Variants in SCFD2 observed in about 807,000 individuals in gnomAD.
SCFD2 encodes the protein sec1 family domain-containing protein 2.
SCFD2 carries 54 observed loss-of-function variants against 58.9 expected under a neutral mutation model. The observed-to-expected ratio is 0.92, with a 90% CI of 0.74 to 1.15. The LOEUF (loss-of-function observed/expected upper bound fraction) is 1.15. Ranked by LOEUF, SCFD2 falls within the 50% of genes most tolerant of loss-of-function variation. The pLI, the probability that SCFD2 is intolerant of heterozygous loss-of-function variation, is 0.00. For synonymous variants in SCFD2, 321 were observed against 335.9 expected, an observed-to-expected ratio of 0.96 and a Z score of 0.49; for missense variants, 805 against 836.6, an observed-to-expected ratio of 0.96 and a Z score of 0.47.
At position 52,983,505 on chromosome 4, in the gene SCFD2, C is replaced by T. The variant is rs150366535; in HGVS notation, c.1562-62635G>A. The stretch of plus-strand genomic sequence containing the variant: ...CTCAAATACCAAGATCTAAATTAAG[C>T]TGCTTGTTGTAGTGGGTCTTACAAT... On this transcript the variant is annotated intron_variant, in intron 5 of 8. Transcript: ENST00000401642. 5.5e-3 allele frequency among the ~76,000 whole-genome samples: 830 copies of T among 152,260 alleles called. 4 individuals are homozygous for T. Among genetic ancestry groups the T allele is most frequent in the African/African-American group, 0.019 (796 of 41,538 alleles).
intron 5 of SCFD2, among the ~76,000 whole-genome samples, chr4:53,055,587 G>A (rs1439592076): frequency 6.6e-6 from 1 of 151,986 alleles, no homozygotes; most frequent in Non-Finnish European, 1.5e-5. Context: ...CACCCTGGAG[G>A]AACCCACAGG....
intron 3 of SCFD2, among the ~76,000 whole-genome samples, chr4:53,279,661 C>G (rs1047212826): frequency 2.6e-5 from 4 of 152,052 alleles, no homozygotes; most frequent in Non-Finnish European, 5.9e-5. Flanking sequence ...CTGTATTAGT[C>G]CATTCTCACA....
chr4:52,920,541 A>G (rs1719709187), intron 6 of SCFD2, among the ~76,000 whole-genome samples, 184 bp downstream of exon 6: 1 of 152,216 alleles, frequency 6.6e-6, no homozygotes, highest in South Asian at 2.1e-4. Context: ...AGCCTGGGGC[A>G]TAAATGAATT....
At chr4:53,296,083 T>G (rs887662334) in intron 3 of SCFD2, among the ~76,000 whole-genome samples, 2 of 152,246 alleles carry the variant, frequency 1.3e-5, no homozygotes, top group African/African-American at 4.8e-5. Flanking sequence ...ATCAGGTATA[T>G]TGGCTTAAAA....
intron 4 of SCFD2, among the ~76,000 whole-genome samples, chr4:53,268,482 C>G (rs1042548587): frequency 1.3e-5 from 2 of 151,656 alleles, no homozygotes; most frequent in Non-Finnish European, 3.0e-5. Flanking sequence ...GGTTGAGTGA[C>G]AACAACATCC....
chr4:52,982,600 G>A (rs1323173536), intron 5 of SCFD2, among the ~76,000 whole-genome samples: 1 of 152,100 alleles, frequency 6.6e-6, no homozygotes, highest in African/African-American at 2.4e-5. Context: ...CTTATTGTTT[G>A]GATGTTATTT....
At chr4:52,878,141 T>A (rs966079340) in intron 8 of SCFD2, among the ~76,000 whole-genome samples, 8 of 152,324 alleles carry the variant, frequency 5.3e-5, no homozygotes, top group Non-Finnish European at 1.2e-4. Context: ...GCTGTTGGTA[T>A]CTCACGGTAT....
chr4:53,020,667 C>T (rs1215308663), intron 5 of SCFD2, among the ~76,000 whole-genome samples: 1 of 152,156 alleles, frequency 6.6e-6, no homozygotes, highest in Non-Finnish European at 1.5e-5. Flanking sequence ...TACACAGTAG[C>T]CCACGTTTCC....
At chr4:53,145,234 G>T in intron 5 of SCFD2, 99 bp downstream of exon 5, 1 of 1,420,256 alleles carries the variant, frequency 7.0e-7, no homozygotes, top group Non-Finnish European at 9.6e-7. Flanking sequence ...AACAACTCCA[G>T]TGAAGATGGT....
chr4:53,298,205 G>A (rs1732117967), intron 3 of SCFD2, among the ~76,000 whole-genome samples: 1 of 152,174 alleles, frequency 6.6e-6, no homozygotes, highest in African/African-American at 2.4e-5. Context: ...GTCAAAGAAA[G>A]GGGTGACAGA....
intron 3 of SCFD2, among the ~76,000 whole-genome samples, chr4:53,303,940 T>C (rs1166194141): frequency 8.4e-6 from 1 of 118,562 alleles, no homozygotes; most frequent in East Asian, 2.5e-4. Flanking sequence ...CATCACACAC[T>C]GGGGACTGTT....
chr4:53,000,555 A>G (rs958646193), intron 5 of SCFD2, among the ~76,000 whole-genome samples: 2 of 152,196 alleles, frequency 1.3e-5, no homozygotes, highest in African/African-American at 4.8e-5. Context: ...GATTGTGTAC[A>G]GAGGAGCCAG....
At chr4:53,113,931 TCTCA>T (rs1253428639) in intron 5 of SCFD2, among the ~76,000 whole-genome samples, 3 of 152,134 alleles carry the variant, frequency 2.0e-5, no homozygotes, top group African/African-American at 7.2e-5. Context: ...CATTATTTCT[TCTCA>T]CTGTTTTAGT....
At chr4:53,020,051 T>C (rs1425987730) in intron 5 of SCFD2, among the ~76,000 whole-genome samples, 1 of 152,192 alleles carries the variant, frequency 6.6e-6, no homozygotes, top group Non-Finnish European at 1.5e-5. Context: ...AATGCAGTTT[T>C]CTCCTCCCAC....
At chr4:53,071,216 G>A (rs1178565090) in intron 5 of SCFD2, among the ~76,000 whole-genome samples, 6 of 152,134 alleles carry the variant, frequency 3.9e-5, no homozygotes, top group Admixed American at 3.9e-4. Flanking sequence ...TTCAGTCCTT[G>A]ATGATTATGG....
At position 52,952,552 on chromosome 4, in the gene SCFD2, T is replaced by G. The variant is rs187155768; in HGVS notation, c.1562-31682A>C. Among the ~76,000 whole-genome samples the G allele has an allele frequency of 1.1e-3, 161 of 152,276 alleles. 1 individual carries two copies. The highest frequency in any genetic ancestry group is 1.7e-3 in the Non-Finnish European group (116 of 68,010). The stretch of plus-strand genomic sequence containing the variant: ...TCTTCTCTCCCACAAATAGTAAACA[T>G]AAGCTTTAAAATGTTTCCATTATTA... On this transcript the variant is annotated intron_variant, in intron 5 of 8. Transcript: ENST00000401642.
chr4:53,083,674 G>GA (rs145505049), intron 5 of SCFD2, among the ~76,000 whole-genome samples: 2,971 of 152,280 alleles, frequency 0.02, 70 homozygotes, highest in East Asian at 0.11. Context: ...AGCCAGCTGA[G>GA]AAATAAAGAG....
At chr4:53,271,756 C>G (rs1233052128) in intron 4 of SCFD2, among the ~76,000 whole-genome samples, 2 of 152,170 alleles carry the variant, frequency 1.3e-5, no homozygotes, top group East Asian at 3.9e-4. Flanking sequence ...AGCCACTGCA[C>G]CCAGCCCATC....
At chr4:53,077,378 C>A (rs767464990) in intron 5 of SCFD2, among the ~76,000 whole-genome samples, 1 of 152,140 alleles carries the variant, frequency 6.6e-6, no homozygotes, top group Non-Finnish European at 1.5e-5. Context: ...GACAAATGCT[C>A]AATCATCTTT....
Sources: allele counts gnomAD v4.1 joint callset (sites outside exome capture counted in the v4.1 genomes callset), GRCh38; gene constraint gnomAD v4.1.1; transcripts MANE v1.5; gene names NCBI Gene and HGNC (gene_info 2026-07-23, HGNC 2026-07-21).